LRMDA: variants seen among roughly 807,000 people sequenced by gnomAD.
LRMDA encodes the protein leucine rich melanocyte differentiation associated, also known as leucine-rich melanocyte differentiation-associated protein.
A neutral mutation model predicts 29.8 loss-of-function variants in LRMDA; 18 were observed. That is an observed-to-expected ratio of 0.60 (90% CI 0.42 to 0.90). LRMDA has a LOEUF of 0.90. Among genes scored for constraint, LRMDA ranks in the 40% least tolerant of loss-of-function variants. The probability of loss-of-function intolerance (pLI) is 0.00; values close to 1 mark genes in which losing one functional copy is unlikely to be tolerated. For synonymous variants in LRMDA, 125 were observed against 109.4 expected (o/e 1.14, Z -0.89); for missense variants, 273 against 273.9 (o/e 1.00, Z 0.02).
chr10:75,776,896 C>T (rs1028639134), intron 2 of LRMDA, among the ~76,000 whole-genome samples: 13 of 152,204 alleles, frequency 8.5e-5, no homozygotes, highest in South Asian at 8.3e-4. Flanking sequence ...GTTGTAGATC[C>T]GATATGACGT....
At chr10:75,785,109 A>C (rs1262845672) in intron 2 of LRMDA, among the ~76,000 whole-genome samples, 1 of 152,084 alleles carries the variant, frequency 6.6e-6, no homozygotes, top group Non-Finnish European at 1.5e-5. Context: ...GGATTCCTGG[A>C]GATTATTGGA....
At chr10:75,582,316 A>G (rs745536450) in intron 2 of LRMDA, among the ~76,000 whole-genome samples, 1 of 152,164 alleles carries the variant, frequency 6.6e-6, no homozygotes, top group Non-Finnish European at 1.5e-5. Flanking sequence ...AGGCTTTTGC[A>G]TATATGCTCT....
chr10:76,521,093 C>T (rs1047876237), intron 6 of LRMDA, among the ~76,000 whole-genome samples: 4 of 151,062 alleles, frequency 2.6e-5, no homozygotes, highest in African/African-American at 9.7e-5. Context: ...AGCATGGTTT[C>T]ATGCTTTTCT....
At chr10:76,097,103 C>T (rs918230347) in intron 5 of LRMDA, among the ~76,000 whole-genome samples, 4 of 152,120 alleles carry the variant, frequency 2.6e-5, no homozygotes, top group Non-Finnish European at 4.4e-5. Flanking sequence ...CTCCGCCTCC[C>T]AGGCTCAAAC....
intron 2 of LRMDA, among the ~76,000 whole-genome samples, chr10:75,531,767 A>G (rs550177516): frequency 6.6e-6 from 1 of 152,290 alleles, no homozygotes; most frequent in Admixed American, 6.5e-5. Context: ...GCCAAAAGGA[A>G]TTGGCCTTAG....
intron 2 of LRMDA, among the ~76,000 whole-genome samples, chr10:75,510,499 G>A (rs559944369): frequency 1.4e-3 from 213 of 152,332 alleles, no homozygotes; most frequent in South Asian, 9.1e-3. Flanking sequence ...GAGCACTAGA[G>A]GGGGTGGAGT....
chr10:76,538,319 T>C (rs916371278), intron 6 of LRMDA, among the ~76,000 whole-genome samples: 3 of 151,872 alleles, frequency 2.0e-5, no homozygotes, highest in African/African-American at 7.3e-5. Context: ...CACATTCTTT[T>C]TGGAAAGCAT....
At chr10:75,861,391 G>A (rs1003971186) in intron 2 of LRMDA, among the ~76,000 whole-genome samples, 2 of 152,240 alleles carry the variant, frequency 1.3e-5, no homozygotes, top group Admixed American at 6.5e-5. Context: ...GGTCTGTTAA[G>A]TGTGAATAAT....
intron 5 of LRMDA, among the ~76,000 whole-genome samples, chr10:76,084,824 G>C (rs1219795871): frequency 6.6e-6 from 1 of 152,204 alleles, no homozygotes; most frequent in African/African-American, 2.4e-5. Flanking sequence ...GACTATAGAA[G>C]TGGCTTACTC....
At chr10:76,236,186 C>T (rs1376521796) in intron 5 of LRMDA, among the ~76,000 whole-genome samples, 2 of 152,168 alleles carry the variant, frequency 1.3e-5, no homozygotes, top group Non-Finnish European at 2.9e-5. Flanking sequence ...ATGCCATCCT[C>T]ACAGGGTTAA....
At chr10:76,126,141 A>G (rs925869336) in intron 5 of LRMDA, among the ~76,000 whole-genome samples, 1 of 152,176 alleles carries the variant, frequency 6.6e-6, no homozygotes, top group Non-Finnish European at 1.5e-5. Context: ...TGCCTCAGAG[A>G]TGGAGCTTCA....
chr10:75,611,215 GTGGAGGCAAGTGCAGCCCTGA>G (rs1484716576), intron 2 of LRMDA, among the ~76,000 whole-genome samples: 1 of 152,168 alleles, frequency 6.6e-6, no homozygotes, highest in Non-Finnish European at 1.5e-5. Context: ...CTGGGCGTTT[GTGGAGGCAAGTGCAGCCCTGA>G]TCTACTCTCA....
intron 6 of LRMDA, among the ~76,000 whole-genome samples, chr10:76,380,670 T>TAAA (rs531185581): frequency 3.7e-4 from 20 of 54,190 alleles, no homozygotes; most frequent in Middle Eastern, 0.01. Context: ...CTCCACTTCA[T>TAAA]AAAAAAAAAA....
intron 6 of LRMDA, among the ~76,000 whole-genome samples, chr10:76,330,883 A>G (rs954320067): frequency 3.9e-5 from 6 of 152,252 alleles, no homozygotes; most frequent in African/African-American, 1.4e-4. Flanking sequence ...ACAATAGCAA[A>G]GACTCAGGAA....
intron 5 of LRMDA, among the ~76,000 whole-genome samples, chr10:76,218,737 T>C (rs2132254729): frequency 6.6e-6 from 1 of 152,328 alleles, no homozygotes; most frequent in Non-Finnish European, 1.5e-5. Flanking sequence ...CCATTTTTAC[T>C]TTCCTTGGTT....
At chr10:75,738,376 C>A (rs1044011502) in intron 2 of LRMDA, among the ~76,000 whole-genome samples, 1 of 152,138 alleles carries the variant, frequency 6.6e-6, no homozygotes, top group Non-Finnish European at 1.5e-5. Context: ...GAGGCCTCTC[C>A]TTTCCCTGCC....
chr10:76,130,688 T>A (rs1849974835), intron 5 of LRMDA, among the ~76,000 whole-genome samples: 1 of 152,148 alleles, frequency 6.6e-6, no homozygotes, highest in Non-Finnish European at 1.5e-5. Flanking sequence ...AGACGAAGTT[T>A]CACTCTTGTT....
intron 2 of LRMDA, among the ~76,000 whole-genome samples, chr10:75,501,679 T>C (rs1845115385): frequency 6.6e-6 from 1 of 152,248 alleles, no homozygotes; most frequent in African/African-American, 2.4e-5. Context: ...AGGGTATATC[T>C]GCACTACAAA....
intron 6 of LRMDA, among the ~76,000 whole-genome samples, chr10:76,443,141 G>A (rs1258900801): frequency 6.6e-6 from 1 of 152,136 alleles, no homozygotes; most frequent in Non-Finnish European, 1.5e-5. Context: ...AATCATGAAA[G>A]CCATAAGGTA....
Sources: gnomAD v4.1 joint callset for allele counts (sites outside exome capture counted in the v4.1 genomes callset) on GRCh38, gnomAD v4.1.1 for gene constraint, MANE v1.5 for transcripts, NCBI Gene and HGNC (gene_info 2026-07-23, HGNC 2026-07-21) for gene names.